Variants in MIEF1 observed in about 807,000 individuals in gnomAD.
The protein encoded by MIEF1 is mitochondrial dynamics protein MIEF1.
A neutral mutation model predicts 35.1 loss-of-function variants in MIEF1; 14 were observed. The ratio of observed to expected loss-of-function variants is 0.40; its 90% confidence interval spans 0.26 to 0.62. MIEF1 has a LOEUF of 0.62. MIEF1 is among the 20% of genes least tolerant of loss of function. MIEF1 has a pLI of 0.43. For missense variants in MIEF1, 542 were observed against 615.4 expected, an observed-to-expected ratio of 0.88 and a Z score of 1.26; for synonymous variants, 245 against 254.3, an observed-to-expected ratio of 0.96 and a Z score of 0.35.
chr22:39,503,916 T>A, intron 1 of MIEF1: 1 of 249,586 alleles, frequency 4.0e-6, no homozygotes, highest in Admixed American at 5.5e-5. Context: ...CTCCATTTTA[T>A]AAGTGAGGAA....
rs1310334532 is a variant in MIEF1, at chr22:39,514,707, CCT to C, written c.*390_*391del. On this transcript the variant is annotated 3_prime_UTR_variant, in exon 6 of 6. Coordinates refer to ENST00000325301, the MANE Select transcript of MIEF1 (RefSeq NM_019008.6). ...CTATTCAGTGTCTTTTCTATTTTTT[CCT>C]CTCTCGTTCATGCCTTCTGTTTTGC... 6 of 270,068 alleles carry C rather than the reference CCT, an allele frequency of 2.2e-5. 1 individual carries two copies. Among genetic ancestry groups the C allele is most frequent in the Non-Finnish European group, 3.6e-5 (5 of 140,802 alleles). The allele number at this position is 270,068 out of a possible 1,614,324, so 16.7% of individuals were successfully genotyped here.
chr22:39,515,145 G>C lies in MIEF1; in HGVS notation c.*822G>C, dbSNP rs577981332. 1.2e-5 allele frequency: 8 copies of C among 646,418 alleles called. No individual in the cohort carries two copies. Among genetic ancestry groups the C allele is most frequent in the African/African-American group, 1.1e-4 (6 of 55,374 alleles). The allele number at this position is 646,418 out of a possible 1,614,324, so 40.0% of individuals were successfully genotyped here. A position where few individuals can be genotyped will look rare whatever the true frequency, so the allele number is the denominator to read the frequency against. ...TCGTCATCTGTGGCTGCAGGGGTCAGACAGACAAGGATGGGGACTGCCAGG... is the reference window on the plus strand; with the variant it reads ...TCGTCATCTGTGGCTGCAGGGGTCACACAGACAAGGATGGGGACTGCCAGG... On this transcript the variant is annotated 3_prime_UTR_variant, in exon 6 of 6. Transcript: ENST00000325301.
intron 2 of MIEF1, among the ~76,000 whole-genome samples, chr22:39,511,038 C>T (rs144392265): frequency 1.4e-4 from 21 of 152,338 alleles, no homozygotes; most frequent in African/African-American, 3.8e-4. Context: ...GAGCTTAATG[C>T]TTTCTTAATC....
At chr22:39,508,998 C>CTT (rs879622681) in intron 2 of MIEF1, among the ~76,000 whole-genome samples, 1 of 146,012 alleles carries the variant, frequency 6.8e-6, no homozygotes, top group Non-Finnish European at 1.5e-5. Flanking sequence ...CTCAGTGATC[C>CTT]TTTTTTTTTT....
At chr22:39,511,556 A>G (rs75648119) in intron 3 of MIEF1, 118 bp downstream of exon 3, 2 of 1,396,774 alleles carry the variant, frequency 1.4e-6, no homozygotes, top group Admixed American at 6.1e-5. Context: ...ATGATAAGTG[A>G]AAAAAACAGG....
At chr22:39,510,922 CAT>C (rs1330439117) in intron 2 of MIEF1, among the ~76,000 whole-genome samples, 2 of 151,834 alleles carry the variant, frequency 1.3e-5, no homozygotes, top group African/African-American at 4.8e-5. Flanking sequence ...TGCATTATAA[CAT>C]TGTGAAGGGG....
At chr22:39,509,103 C>G (rs891041455) in intron 2 of MIEF1, among the ~76,000 whole-genome samples, 1 of 151,868 alleles carries the variant, frequency 6.6e-6, no homozygotes, top group Non-Finnish European at 1.5e-5. Context: ...TACAGGCATG[C>G]ACCATCATGC....
intron 2 of MIEF1, among the ~76,000 whole-genome samples, chr22:39,506,818 C>T (rs1930038229): frequency 1.3e-5 from 2 of 152,212 alleles, no homozygotes; most frequent in African/African-American, 2.4e-5. Context: ...TTCTCCATCC[C>T]TAGTTCTGCC....
intron 2 of MIEF1, among the ~76,000 whole-genome samples, chr22:39,506,295 A>G (rs886084490): frequency 1.3e-5 from 2 of 152,168 alleles, no homozygotes; most frequent in Admixed American, 1.3e-4. Flanking sequence ...CCCCAGAAGC[A>G]TATGGTCTGG....
chr22:39,512,550 G>C, intron 5 of MIEF1, 56 bp downstream of exon 5: 1 of 1,555,488 alleles, frequency 6.4e-7, no homozygotes, highest in South Asian at 1.2e-5. Context: ...CCATAGTGTT[G>C]TTGGCACAGA....
upstream of MIEF1, among the ~76,000 whole-genome samples, chr22:39,500,819 C>T (rs1454723634): frequency 6.6e-6 from 1 of 151,930 alleles, no homozygotes; most frequent in East Asian, 1.9e-4. Context: ...CTCAGCCTCC[C>T]AAGTAACTGG....
At chr22:39,506,166 C>G (rs1930004700) in intron 2 of MIEF1, among the ~76,000 whole-genome samples, 1 of 152,074 alleles carries the variant, frequency 6.6e-6, no homozygotes, top group South Asian at 2.1e-4. Context: ...TCACTACCCC[C>G]TCAAAAAAAC....
Position 39,514,608 on chromosome 22 carries a change from G to T in MIEF1, c.*285G>T. The T allele has an allele frequency of 2.2e-6, 1 of 457,628 alleles. No homozygotes were observed. Among genetic ancestry groups the T allele is most frequent in the Non-Finnish European group, 3.9e-6 (1 of 253,196 alleles). The allele number at this position is 457,628 out of a possible 1,614,324, so 28.3% of individuals were successfully genotyped here. On this transcript the variant is annotated 3_prime_UTR_variant, in exon 6 of 6. Transcript: ENST00000325301. Reference sequence around the variant, plus strand: ...AGGTGGCGTGCTGGCCTGAGCTGATGGACCACTTGGTGTTTTGCGTTTTGG... The same window carrying T: ...AGGTGGCGTGCTGGCCTGAGCTGATTGACCACTTGGTGTTTTGCGTTTTGG...
intron 2 of MIEF1, among the ~76,000 whole-genome samples, chr22:39,505,439 A>G (rs1373514638): frequency 6.6e-6 from 1 of 151,698 alleles, no homozygotes; most frequent in South Asian, 2.1e-4. Context: ...CGATCCTCCC[A>G]CCCTTGCCTC....
In MIEF1 at chr22:39,515,222, C is replaced by CCAAT. The variant is rs746265702; in HGVS notation, c.*902_*905dup. The CCAAT allele has an allele frequency of 5.3e-5, 37 of 698,844 alleles. No homozygotes were observed. The Middle Eastern group carries it at 9.3e-4, about 17-fold the overall frequency. The allele number at this position is 698,844 out of a possible 1,614,324, so 43.3% of individuals were successfully genotyped here. A position where few individuals can be genotyped will look rare whatever the true frequency, so the allele number is the denominator to read the frequency against. ...TTCACACCTTTTCCTTATTTTATTGCCAATCAGGACAAGGCCTTGAAGGAA... is the reference window on the plus strand; with the variant it reads ...TTCACACCTTTTCCTTATTTTATTGCCAATCAATCAGGACAAGGCCTTGAAGGAA... On this transcript the variant is annotated 3_prime_UTR_variant, in exon 6 of 6. Transcript: ENST00000325301.
At position 39,511,863 on chromosome 22, in the gene MIEF1, G is replaced by T; in HGVS notation, c.159G>T (p.Ala53=). 6.2e-7 allele frequency: 1 copy of T among 1,613,284 alleles called. No individual in the cohort carries two copies. Among genetic ancestry groups the T allele is most frequent in the Non-Finnish European group, 8.5e-7 (1 of 1,179,430 alleles). Residue 53 remains alanine (A), a synonymous_variant, in exon 4 of 6, where the codon GCG becomes GCT. Transcript: ENST00000325301. The part of the protein sequence containing the change: ...TLAVKRMYDR[A]ISAPTSPTRL... ...TGCTATTTCAGATGTACGATCGGGC[G>T]ATCAGTGCCCCTACCAGCCCCACCC... is the stretch of plus-strand genomic sequence containing the variant.
At position 39,511,924 on chromosome 22, in the gene MIEF1, C is replaced by T; in HGVS notation, c.220C>T (p.Pro74Ser). The change falls in exon 4 of 6, where the codon CCC (proline) becomes TCC (serine). Residue 74 changes from proline (P) to serine (S), a missense_variant. Physicochemically the swap from Pro to Ser is moderately conservative, Grantham distance 74. Transcript: ENST00000325301. ...TTCGGGGAAAAGGAGCTGGGAAGAA[C>T]CCAACTGGATGGGCTCCCCACGACT... is the stretch of plus-strand genomic sequence containing the variant. Reference protein sequence around the residue: ...SHSGKRSWEEPNWMGSPRLLN... With the variant: ...SHSGKRSWEESNWMGSPRLLN... The T allele has an allele frequency of 6.2e-7, 1 of 1,614,234 alleles. No individual in the cohort carries two copies. The highest frequency in any genetic ancestry group is 8.5e-7 in the Non-Finnish European group (1 of 1,180,040).
Position 39,512,275 on chromosome 22 carries a change from C to T in MIEF1, c.366C>T (p.Gly122=). The T allele has an allele frequency of 6.2e-7, 1 of 1,613,982 alleles. No homozygotes were observed. Residue 122 remains glycine, a synonymous_variant, in exon 5 of 6, where the codon GGC becomes GGT. Coordinates refer to ENST00000325301, the MANE Select transcript of MIEF1 (RefSeq NM_019008.6). ...GGCCCAAGCCAGTGGCCAGGAAGGG[C>T]CAGGTAGACTTGAAGAAGTCACGAC... The part of the protein sequence containing the change: ...PPRPKPVARK[G]QVDLKKSRLR...
intron 2 of MIEF1, among the ~76,000 whole-genome samples, chr22:39,509,749 G>A (rs1286291933): frequency 6.6e-6 from 1 of 152,220 alleles, no homozygotes; most frequent in Non-Finnish European, 1.5e-5. Flanking sequence ...CATTTGTCAA[G>A]TAGGAGGGTC....
Sources: allele counts gnomAD v4.1 joint callset (sites outside exome capture counted in the v4.1 genomes callset), GRCh38; gene constraint gnomAD v4.1.1; transcripts MANE v1.5; gene names NCBI Gene and HGNC (gene_info 2026-07-23, HGNC 2026-07-21).